Variants in KCNQ3 observed in about 807,000 individuals in gnomAD.
The protein encoded by KCNQ3 is potassium voltage-gated channel subfamily KQT member 3.
KCNQ3 carries 30 observed loss-of-function variants against 92.5 expected under a neutral mutation model. That is an observed-to-expected ratio of 0.32 (90% CI 0.24 to 0.44). The LOEUF is 0.44. KCNQ3 is among the 20% of genes least tolerant of loss of function. The pLI, the probability that KCNQ3 is intolerant of heterozygous loss-of-function variation, is 1.00. For missense variants in KCNQ3, 913 were observed against 1,140.3 expected (o/e 0.80, Z 2.87); for synonymous variants, 450 against 468.8 (o/e 0.96, Z 0.52).
chr8:132,352,616 G>T (rs909140424), intron 1 of KCNQ3, among the ~76,000 whole-genome samples: 2 of 152,170 alleles, frequency 1.3e-5, no homozygotes, highest in African/African-American at 2.4e-5. Flanking sequence ...AGATCGGACC[G>T]CAAGGTGGCA....
intron 1 of KCNQ3, among the ~76,000 whole-genome samples, chr8:132,221,770 C>T (rs1316581028): frequency 6.6e-6 from 1 of 152,154 alleles, no homozygotes; most frequent in African/African-American, 2.4e-5. Flanking sequence ...CACACATCTA[C>T]AACCATCCGA....
At chr8:132,403,916 A>G (rs1820411019) in intron 1 of KCNQ3, among the ~76,000 whole-genome samples, 1 of 152,182 alleles carries the variant, frequency 6.6e-6, no homozygotes, top group Non-Finnish European at 1.5e-5. Flanking sequence ...TTTAGCTACT[A>G]AGGCCTCACC....
chr8:132,231,171 T>TA (rs1216522454), intron 1 of KCNQ3, among the ~76,000 whole-genome samples: 1 of 152,200 alleles, frequency 6.6e-6, no homozygotes, highest in East Asian at 1.9e-4. Flanking sequence ...GATTCTCTCC[T>TA]AGCACAGTCA....
intron 1 of KCNQ3, among the ~76,000 whole-genome samples, chr8:132,421,655 A>G (rs2130811351): frequency 6.6e-6 from 1 of 152,224 alleles, no homozygotes; most frequent in African/African-American, 2.4e-5. Context: ...TTCTGTCTTC[A>G]GCAAAAACAA....
chr8:132,226,187 C>T (rs1351684575), intron 1 of KCNQ3, among the ~76,000 whole-genome samples: 1 of 151,376 alleles, frequency 6.6e-6, no homozygotes, highest in Admixed American at 6.6e-5. Flanking sequence ...AGCAGAATGG[C>T]GTGAACCTGG....
intron 1 of KCNQ3, among the ~76,000 whole-genome samples, chr8:132,306,847 G>A (rs1236268866): frequency 1.3e-5 from 2 of 152,190 alleles, no homozygotes; most frequent in Non-Finnish European, 2.9e-5. Flanking sequence ...GCAGACTCTT[G>A]ACAGCATTTT....
intron 1 of KCNQ3, among the ~76,000 whole-genome samples, chr8:132,452,895 T>TG (rs1285066577): frequency 6.6e-6 from 1 of 152,220 alleles, no homozygotes; most frequent in Non-Finnish European, 1.5e-5. Context: ...GATGTTTGCC[T>TG]GCCTAGAGCT....
At chr8:132,441,497 T>G (rs951299256) in intron 1 of KCNQ3, among the ~76,000 whole-genome samples, 25 of 152,114 alleles carry the variant, frequency 1.6e-4, no homozygotes, top group African/African-American at 5.8e-4. Flanking sequence ...GAGCTTGCCG[T>G]GAGCCGAGAT....
intron 1 of KCNQ3, among the ~76,000 whole-genome samples, chr8:132,270,729 GGTTTT>G (rs1816122694): frequency 6.6e-6 from 1 of 152,120 alleles, no homozygotes; most frequent in African/African-American, 2.4e-5. Context: ...TTGCCAGAAT[GGTTTT>G]GTTACAGAAT....
At chr8:132,278,262 C>A (rs1430550201) in intron 1 of KCNQ3, 1 of 970,332 alleles carries the variant, frequency 1.0e-6, no homozygotes, top group African/African-American at 1.8e-5. Context: ...AATATCATTT[C>A]TAATTTGGGT....
intron 12 of KCNQ3, among the ~76,000 whole-genome samples, chr8:132,137,628 A>G (rs1825144951): frequency 1.3e-5 from 2 of 152,200 alleles, no homozygotes; most frequent in Non-Finnish European, 2.9e-5. Context: ...GTCAGAAGCC[A>G]TTTAAATGTG....
intron 3 of KCNQ3, among the ~76,000 whole-genome samples, chr8:132,182,290 A>G (rs978488906): frequency 5.9e-5 from 9 of 152,178 alleles, no homozygotes; most frequent in African/African-American, 1.9e-4. Context: ...ATGGTCTAAG[A>G]CGCTCCATGA....
chr8:132,454,269 A>G (rs752243835), intron 1 of KCNQ3, among the ~76,000 whole-genome samples: 4 of 152,136 alleles, frequency 2.6e-5, no homozygotes, highest in Non-Finnish European at 4.4e-5. Context: ...TTCACAGCCT[A>G]ACAGCTGTGT....
chr8:132,283,035 C>G (rs908529841), intron 1 of KCNQ3, among the ~76,000 whole-genome samples: 1 of 151,596 alleles, frequency 6.6e-6, no homozygotes. Flanking sequence ...AGATGGGAAA[C>G]CGAACATACA....
intron 9 of KCNQ3, 82 bp from the exon 10 acceptor site, chr8:132,141,413 CA>C: frequency 8.3e-7 from 1 of 1,203,014 alleles, no homozygotes; most frequent in Non-Finnish European, 1.2e-6. Flanking sequence ...AAGACTCACA[CA>C]TTCTCCTCCA....
intron 10 of KCNQ3, chr8:132,140,784 C>A: frequency 3.0e-6 from 1 of 331,216 alleles, no homozygotes; most frequent in East Asian, 7.2e-5. Context: ...GCCCTGGTCT[C>A]TAAATTGCTT....
intron 1 of KCNQ3, among the ~76,000 whole-genome samples, chr8:132,359,014 G>A: frequency 6.6e-6 from 1 of 152,150 alleles, no homozygotes; most frequent in East Asian, 1.9e-4. Flanking sequence ...TCTCACTAAA[G>A]AATTATCTGC....
At chr8:132,434,069 G>A (rs553825042) in intron 1 of KCNQ3, among the ~76,000 whole-genome samples, 1 of 150,656 alleles carries the variant, frequency 6.6e-6, no homozygotes, top group African/African-American at 2.4e-5. Flanking sequence ...TTAGCCGGGC[G>A]TAGTGGCGGG....
At chr8:132,371,081 C>G (rs146935963) in intron 1 of KCNQ3, among the ~76,000 whole-genome samples, 108 of 152,290 alleles carry the variant, frequency 7.1e-4, no homozygotes, top group African/African-American at 2.6e-3. Flanking sequence ...CTGATCACTC[C>G]CAGATACATT....
Sources: gnomAD v4.1 joint callset for allele counts (sites outside exome capture counted in the v4.1 genomes callset) on GRCh38, gnomAD v4.1.1 for gene constraint, MANE v1.5 for transcripts, NCBI Gene and HGNC (gene_info 2026-07-23, HGNC 2026-07-21) for gene names.